UNC13B: variants seen among roughly 807,000 people sequenced by gnomAD.
UNC13B encodes unc-13 homolog B, also known as protein unc-13 homolog B.
A neutral mutation model predicts 211.0 loss-of-function variants in UNC13B; 144 were observed. The observed-to-expected ratio is 0.68, with a 90% confidence interval of 0.60 to 0.78. The LOEUF (loss-of-function observed/expected upper bound fraction) is 0.78. Among genes scored for constraint, UNC13B ranks in the 30% least tolerant of loss-of-function variants. The pLI is 0.00. For missense variants in UNC13B, 1,777 were observed against 2,002.0 expected (o/e 0.89, Z 2.14); for synonymous variants, 709 against 725.8 (o/e 0.98, Z 0.37).
At chr9:35,392,025 T>G (rs1835566552) in intron 26 of UNC13B, among the ~76,000 whole-genome samples, 1 of 152,314 alleles carries the variant, frequency 6.6e-6, no homozygotes, top group Non-Finnish European at 1.5e-5. Context: ...TTGGCCTGAT[T>G]TCATACCTCA....
At chr9:35,239,665 A>T (rs1825700126) in intron 5 of UNC13B, among the ~76,000 whole-genome samples, 1 of 152,154 alleles carries the variant, frequency 6.6e-6, no homozygotes, top group South Asian at 2.1e-4. Context: ...GGCTTATTTC[A>T]TCCCTTATCT....
At chr9:35,295,128 G>A (rs1002497518) in intron 7 of UNC13B, among the ~76,000 whole-genome samples, 1 of 152,132 alleles carries the variant, frequency 6.6e-6, no homozygotes, top group African/African-American at 2.4e-5. Flanking sequence ...GCTGCATCTA[G>A]AGCCTTTGAC....
At chr9:35,199,304 C>T (rs571192576) in intron 1 of UNC13B, among the ~76,000 whole-genome samples, 205 of 152,272 alleles carry the variant, frequency 1.3e-3, no homozygotes, top group African/African-American at 4.6e-3. Flanking sequence ...AATAAACATA[C>T]GTGTGCCTGT....
At chr9:35,325,177 A>T (rs1168862250) in intron 11 of UNC13B, among the ~76,000 whole-genome samples, 7 of 152,292 alleles carry the variant, frequency 4.6e-5, no homozygotes, top group Admixed American at 1.3e-4. Flanking sequence ...GTACTCCATA[A>T]ATATCTGTTG....
chr9:35,397,306 C>A lies in UNC13B; in HGVS notation c.11672C>A (p.Ala3891Asp). 6.2e-7 allele frequency: 1 copy of A among 1,613,898 alleles called. No individual in the cohort carries two copies. Among genetic ancestry groups the A allele is most frequent in the African/African-American group, 1.3e-5 (1 of 75,030 alleles). ...SILAHYMRRF[A>D]KTIGKVLMQY... is the part of the protein sequence containing the mutation. The stretch of plus-strand genomic sequence containing the variant: ...CTTGCCCACTACATGAGGAGGTTTG[C>A]TAAGGTGACCATAACTCTTCCTACT... The change falls in exon 29 of 40, where the codon GCT becomes GAT. Residue 3891 changes from alanine (A) to aspartate (D), a missense_variant. Physicochemically the swap from Ala to Asp is moderately radical, Grantham distance 126. Transcript: ENST00000635942.
At chr9:35,243,261 C>G in intron 5 of UNC13B, 30 bp from the exon 6 acceptor site, 1 of 1,605,854 alleles carries the variant, frequency 6.2e-7, no homozygotes. Context: ...GATGTGATTT[C>G]TTTTCTTTTT....
chr9:35,397,718 T>C lies in UNC13B; in HGVS notation c.11754+6T>C. 6.2e-7 allele frequency: 1 copy of C among 1,613,958 alleles called. No individual in the cohort carries two copies. Among genetic ancestry groups the C allele is most frequent in the Non-Finnish European group, 8.5e-7 (1 of 1,179,958 alleles). ...ATTGCACAAAGGAGAAACTGGTAGG[T>C]TCAGGCCCTGGGACTCTTACAGAAA... On this transcript the variant is annotated splice_donor_region_variant and intron_variant, in intron 30 of 39. Coordinates refer to ENST00000635942, the MANE Select transcript of UNC13B (RefSeq NM_001371189.2).
intron 12 of UNC13B, among the ~76,000 whole-genome samples, chr9:35,369,209 C>A (rs1210256367): frequency 6.6e-6 from 1 of 152,158 alleles, no homozygotes; most frequent in Non-Finnish European, 1.5e-5. Context: ...GCCTAGATAG[C>A]TACAAGTACC....
At chr9:35,188,221 A>G (rs1822467080) in intron 1 of UNC13B, among the ~76,000 whole-genome samples, 2 of 152,246 alleles carry the variant, frequency 1.3e-5, no homozygotes, top group Non-Finnish European at 2.9e-5. Context: ...AAGCTATTAA[A>G]AAAACTCACA....
intron 11 of UNC13B, among the ~76,000 whole-genome samples, chr9:35,321,301 G>A (rs189786056): frequency 1.3e-5 from 2 of 152,166 alleles, no homozygotes; most frequent in Non-Finnish European, 2.9e-5. Flanking sequence ...GCTCACTGCA[G>A]CCTTGACCTT....
At chr9:35,370,199 T>C (rs1442444378) in intron 12 of UNC13B, 119 bp from the exon 13 acceptor site, 4 of 735,008 alleles carry the variant, frequency 5.4e-6, no homozygotes, top group Non-Finnish European at 9.0e-6. Context: ...TAAAAGCACA[T>C]GGTAGAGGTC....
At chr9:35,264,211 T>C (rs1414456613) in intron 7 of UNC13B, among the ~76,000 whole-genome samples, 1 of 152,084 alleles carries the variant, frequency 6.6e-6, no homozygotes, top group Non-Finnish European at 1.5e-5. Flanking sequence ...AGAGGAGAGC[T>C]ACAGAGAAAA....
At chr9:35,400,212 T>C in intron 36 of UNC13B, 84 bp from the exon 37 acceptor site, 1 of 1,559,240 alleles carries the variant, frequency 6.4e-7, no homozygotes, top group African/African-American at 1.4e-5. Context: ...CTCACAGTCC[T>C]CTTCTTGCTT....
At chr9:35,389,067 C>A (rs1416422092) in intron 24 of UNC13B, among the ~76,000 whole-genome samples, 4 of 152,240 alleles carry the variant, frequency 2.6e-5, no homozygotes, top group African/African-American at 9.6e-5. Context: ...TGACATCCCA[C>A]ATAAAGGCCC....
At chr9:35,310,832 C>T in intron 10 of UNC13B, 51 bp downstream of exon 10, 1 of 1,526,014 alleles carries the variant, frequency 6.6e-7, no homozygotes, top group Non-Finnish European at 8.9e-7. Context: ...AGTACCTGCC[C>T]TGTGGTATTG....
rs1033796603 is a variant in UNC13B at position 35,301,555 on chromosome 9, G to C, written c.2151G>C (p.Thr717=). The change falls in exon 9 of 40, where the codon ACG becomes ACC. Residue 717 remains threonine, a synonymous_variant. Coordinates refer to ENST00000635942, the MANE Select transcript of UNC13B (RefSeq NM_001371189.2). ...TAAATGGGAGTGATGAAGAAACTAC[G>C]GGCTGGTTCCAGATGCCCACAAGTG... The part of the protein sequence containing the change: ...IALNGSDEET[T]GWFQMPTSEN... 5.0e-6 allele frequency: 2 copies of C among 398,806 alleles called. No homozygotes were observed. Among genetic ancestry groups the C allele is most frequent in the East Asian group, 7.1e-5 (2 of 28,064 alleles). 24.7% of individuals were successfully genotyped at this position (398,806 alleles called of 1,614,324 possible).
chr9:35,308,464 T>C, intron 9 of UNC13B, 52 bp downstream of exon 9: 1 of 398,410 alleles, frequency 2.5e-6, no homozygotes, highest in Non-Finnish European at 4.4e-6. Flanking sequence ...TGACCATTTA[T>C]GATGCAAGTG....
intron 11 of UNC13B, chr9:35,352,747 C>T: frequency 8.1e-7 from 1 of 1,232,192 alleles, no homozygotes; most frequent in African/African-American, 1.5e-5. Context: ...TTATCAGTGG[C>T]AGCTGTGATG....
In UNC13B at chr9:35,303,092, T is replaced by G. The variant is rs940241972; in HGVS notation, c.3688T>G (p.Cys1230Gly). The change falls in exon 9 of 40, where the codon TGT becomes GGT. Residue 1230 changes from cysteine to glycine, a missense_variant. Cys to Gly is a radical substitution (Grantham distance 159). Coordinates refer to ENST00000635942, the MANE Select transcript of UNC13B (RefSeq NM_001371189.2). ...CTTGGATGAGGTCCCTGCTACTTCA[T>G]GTGTGACTTCTGAGAACCCGAAGAA... Reference protein sequence around the residue: ...LSLDEVPATSCVTSENPKNHV... With the variant: ...LSLDEVPATSGVTSENPKNHV... 23 of 398,644 alleles carry G rather than the reference T, an allele frequency of 5.8e-5. No individual in the cohort carries two copies. The highest frequency in any genetic ancestry group is 8.9e-5 in the Non-Finnish European group (20 of 225,826). 24.7% of individuals were successfully genotyped at this position (398,644 alleles called of 1,614,324 possible). A position where few individuals can be genotyped will look rare whatever the true frequency, so the allele number is the denominator to read the frequency against.
Sources: gnomAD v4.1 joint callset for allele counts (sites outside exome capture counted in the v4.1 genomes callset) on GRCh38, gnomAD v4.1.1 for gene constraint, MANE v1.5 for transcripts, NCBI Gene and HGNC (gene_info 2026-07-23, HGNC 2026-07-21) for gene names.